Variants in ZNF143 observed in about 807,000 individuals in gnomAD.
ZNF143 encodes the protein SPH-binding factor.
A neutral mutation model predicts 74.1 loss-of-function variants in ZNF143; 49 were observed. The ratio of observed to expected loss-of-function variants is 0.66; its 90% CI spans 0.53 to 0.84. The LOEUF (loss-of-function observed/expected upper bound fraction) is 0.84, where lower values mean the gene tolerates loss of function less well. Ranked by LOEUF, ZNF143 falls within the 40% of genes least tolerant of loss-of-function variation. ZNF143 has a pLI of 0.00. For missense variants in ZNF143, 637 were observed against 793.4 expected (o/e 0.80, Z 2.37); for synonymous variants, 304 against 282.8 (o/e 1.07, Z -0.75).
At chr11:9,482,120 G>A (rs1847265213) in intron 7 of ZNF143, among the ~76,000 whole-genome samples, 2 of 146,516 alleles carry the variant, frequency 1.4e-5, no homozygotes, top group African/African-American at 2.5e-5. Context: ...ACAGGCGCCC[G>A]CCACCACGCC....
intron 14 of ZNF143, among the ~76,000 whole-genome samples, chr11:9,518,123 A>G (rs1316323189): frequency 6.6e-6 from 1 of 152,250 alleles, no homozygotes; most frequent in Non-Finnish European, 1.5e-5. Flanking sequence ...TCCGTTGCTC[A>G]TTGAACAGAC....
intron 7 of ZNF143, among the ~76,000 whole-genome samples, chr11:9,486,363 T>TATATATAATATATTATATATATAATA (rs1491555379): frequency 2.4e-5 from 1 of 41,252 alleles, no homozygotes; most frequent in Non-Finnish European, 4.4e-5. Flanking sequence ...TATATATATA[T>TATATATAATATATTATATATATAATA]TATATATAAT....
At chr11:9,487,576 C>T (rs562465517) in intron 7 of ZNF143, among the ~76,000 whole-genome samples, 10 of 152,190 alleles carry the variant, frequency 6.6e-5, no homozygotes, top group Admixed American at 5.9e-4. Context: ...CCAGGATGGT[C>T]TCGATCTCCT....
chr11:9,516,332 G>A lies in ZNF143; in HGVS notation c.1656G>A (p.Met552Ile). 1 of 1,613,698 alleles carries A rather than the reference G, an allele frequency of 6.2e-7. No individual in the cohort carries two copies. The highest frequency in any genetic ancestry group is 8.5e-7 in the Non-Finnish European group (1 of 1,179,788). The change falls in exon 14 of 16, where the codon ATG becomes ATA. Residue 552 changes from methionine (M) to isoleucine (I), a missense_variant. Met to Ile is a conservative substitution (Grantham distance 10, BLOSUM62 1). Transcript: ENST00000396602. ...ISSAGTHSVA[M>I]VTAEGTEGEQ... ...CAGCAGGAACGCACTCTGTTGCTAT[G>A]GTTACTGCTGAGGGTACAGAAGGGG...
chr11:9,486,389 TATATATAATATATTATATATATA>T lies in ZNF143; in HGVS notation c.645+6851_645+6873del, dbSNP rs1305895492. On this transcript the variant is annotated intron_variant, in intron 7 of 15. Coordinates refer to ENST00000396602, the MANE Select transcript of ZNF143 (RefSeq NM_003442.6). ...TATATATAATATATTATATATATAA[TATATATAATATATTATATATATA>T]ATATATATTATATATATTATATATA... Among the ~76,000 whole-genome samples, 2 of 18,580 alleles carry T rather than the reference TATATATAATATATTATATATATA, an allele frequency of 1.1e-4. 1 individual carries two copies. Among genetic ancestry groups the T allele is most frequent in the African/African-American group, 4.4e-4 (2 of 4,512 alleles). The allele number at this position is 18,580 out of a possible 152,430, so 12.2% of individuals were successfully genotyped here.
intron 9 of ZNF143, 81 bp from the exon 10 acceptor site, chr11:9,497,594 A>C (rs375996063): frequency 8.9e-7 from 1 of 1,118,672 alleles, no homozygotes; most frequent in East Asian, 2.6e-5. Context: ...GGTATTGACT[A>C]TATTTTTCAG....
intron 1 of ZNF143, among the ~76,000 whole-genome samples, chr11:9,470,855 C>T (rs940780622): frequency 6.6e-6 from 1 of 151,988 alleles, no homozygotes; most frequent in Non-Finnish European, 1.5e-5. Context: ...TATAGTAATG[C>T]AGGTGAGAGA....
intron 1 of ZNF143, among the ~76,000 whole-genome samples, chr11:9,464,521 A>G (rs904849021): frequency 6.6e-6 from 1 of 151,940 alleles, no homozygotes; most frequent in Non-Finnish European, 1.5e-5. Flanking sequence ...GAATCTCTTG[A>G]ACCTGGGAGG....
chr11:9,466,442 T>C (rs942492725), intron 1 of ZNF143, among the ~76,000 whole-genome samples: 24 of 148,950 alleles, frequency 1.6e-4, no homozygotes, highest in African/African-American at 5.7e-4. Flanking sequence ...ATTACAGGCG[T>C]CTGCCACCAC....
At chr11:9,483,311 T>TTTTTTG (rs1220341466) in intron 7 of ZNF143, among the ~76,000 whole-genome samples, 3 of 139,520 alleles carry the variant, frequency 2.2e-5, no homozygotes, top group African/African-American at 8.5e-5. Flanking sequence ...TTTTTTTTTT[T>TTTTTTG]TTTGGAGACG....
At chr11:9,525,665 CAAAAT>C (rs1849100212) in intron 15 of ZNF143, among the ~76,000 whole-genome samples, 1 of 152,092 alleles carries the variant, frequency 6.6e-6, no homozygotes, top group African/African-American at 2.4e-5. Context: ...TCTTTACTCT[CAAAAT>C]AAAAGTCTAA....
chr11:9,517,391 G>A (rs748032355), intron 14 of ZNF143, among the ~76,000 whole-genome samples: 3 of 151,950 alleles, frequency 2.0e-5, no homozygotes, highest in Non-Finnish European at 4.4e-5. Flanking sequence ...ATAACCTTGT[G>A]CACATGTGAT....
chr11:9,521,709 A>G (rs562949702), intron 14 of ZNF143, among the ~76,000 whole-genome samples: 3 of 152,064 alleles, frequency 2.0e-5, no homozygotes, highest in South Asian at 2.1e-4. Flanking sequence ...TGTTTCATCT[A>G]AGTTTTCATA....
At chr11:9,466,124 A>G (rs1856196515) in intron 1 of ZNF143, among the ~76,000 whole-genome samples, 1 of 151,640 alleles carries the variant, frequency 6.6e-6, no homozygotes, top group African/African-American at 2.4e-5. Flanking sequence ...CTGGGATTAC[A>G]GGCACCTGCC....
At position 9,508,747 on chromosome 11, in the gene ZNF143, T is replaced by TA; in HGVS notation, c.1277dup (p.Tyr426Ter). 1 of 1,613,676 alleles carries TA rather than the reference T, an allele frequency of 6.2e-7. No individual in the cohort carries two copies. Among genetic ancestry groups the TA allele is most frequent in the Non-Finnish European group, 8.5e-7 (1 of 1,179,864 alleles). The change falls in exon 12 of 16, where the codon TAC becomes TAAC. Residue 426 changes from tyrosine to a stop codon, truncating the protein, a stop_gained and frameshift_variant. Transcript: ENST00000396602. LOFTEE classifies it high-confidence loss of function. ...PYNCNHCGKT[Y>*]KQISTLAMHK... ...CAACTGTAACCACTGTGGGAAGACA[T>TA]ACAAGCAGATCTCCACGCTGGCCAT... is the stretch of plus-strand genomic sequence containing the variant.
At chr11:9,515,922 C>T (rs1848707775) in intron 13 of ZNF143, among the ~76,000 whole-genome samples, 1 of 150,472 alleles carries the variant, frequency 6.6e-6, no homozygotes, top group African/African-American at 2.4e-5. Flanking sequence ...GAGTTTTAGA[C>T]TTCAGTGATT....
Position 9,464,598 on chromosome 11 carries a change from CTCAA to C in ZNF143, c.-8+3544_-8+3547del, listed in dbSNP as rs374529221. On this transcript the variant is annotated intron_variant, in intron 1 of 15. Transcript: ENST00000396602. ...CCTGGGGGACAGAACAAGACCCTGTCTCAATCAATCAATCAATCAATCAATGGTG... is the reference window on the plus strand; with the variant it reads ...CCTGGGGGACAGAACAAGACCCTGTCTCAATCAATCAATCAATCAATGGTG... Among the ~76,000 whole-genome samples the C allele has an allele frequency of 9.7e-3, 1,467 of 151,660 alleles. 32 individuals carry two copies. Among genetic ancestry groups the C allele is most frequent in the Admixed American group, 0.041 (627 of 15,176 alleles).
Position 9,508,624 on chromosome 11 carries a change from A to C in ZNF143, c.1153A>C (p.Lys385Gln). ...TTTTTGGTGTTGCTCTTTAGGAGAA[A>C]AGCCATATGTTTGTACAGTTCCTGG... The part of the protein sequence containing the change: ...KNHVRIHTGE[K>Q]PYVCTVPGCD... The change falls in exon 12 of 16, where the codon AAG (lysine) becomes CAG (glutamine). Residue 385 changes from lysine to glutamine, a missense_variant. Physicochemically the swap from Lys to Gln is moderately conservative, Grantham distance 53. Transcript: ENST00000396602. The C allele has an allele frequency of 6.2e-7, 1 of 1,610,402 alleles. No homozygotes were observed. Among genetic ancestry groups the C allele is most frequent in the Non-Finnish European group, 8.5e-7 (1 of 1,179,536 alleles).
At chr11:9,525,624 G>T in intron 15 of ZNF143, 1 of 532,418 alleles carries the variant, frequency 1.9e-6, no homozygotes, top group East Asian at 3.5e-5. Context: ...AAACCTTCAG[G>T]TATATATCCC....
Sources: gnomAD v4.1 joint callset for allele counts (sites outside exome capture counted in the v4.1 genomes callset) on GRCh38, gnomAD v4.1.1 for gene constraint, MANE v1.5 for transcripts, NCBI Gene and HGNC (gene_info 2026-07-23, HGNC 2026-07-21) for gene names.